Variants in NRXN1 observed in about 807,000 individuals in gnomAD.
NRXN1 encodes neurexin-1.
NRXN1 carries 39 observed loss-of-function variants against 150.9 expected under a neutral mutation model. That is an observed-to-expected ratio of 0.26 (90% confidence interval 0.20 to 0.34). The LOEUF (loss-of-function observed/expected upper bound fraction) is 0.34, where lower values mean the gene tolerates loss of function less well. Ranked by LOEUF, NRXN1 falls within the 10% of genes least tolerant of loss-of-function variation. The probability of loss-of-function intolerance (pLI) is 1.00; values close to 1 mark genes in which losing one functional copy is unlikely to be tolerated. For missense variants in NRXN1, 1,815 were observed against 1,949.9 expected, an observed-to-expected ratio of 0.93 and a Z score of 1.30; for synonymous variants, 924 against 757.0, an observed-to-expected ratio of 1.22 and a Z score of -3.62.
At chr2:50,019,641 C>CAAAAAAAAAAAAAA (rs764073226) in intron 21 of NRXN1, among the ~76,000 whole-genome samples, 4 of 25,554 alleles carry the variant, frequency 1.6e-4, no homozygotes, top group African/African-American at 2.0e-4. Context: ...GATTCCGTCT[C>CAAAAAAAAAAAAAA]AAAAAAAAAA....
chr2:50,280,460 T>C (rs2071278890), intron 17 of NRXN1, among the ~76,000 whole-genome samples: 1 of 152,106 alleles, frequency 6.6e-6, no homozygotes, highest in Non-Finnish European at 1.5e-5. Flanking sequence ...CCATGTGGCA[T>C]GGATCCTGAT....
intron 17 of NRXN1, among the ~76,000 whole-genome samples, chr2:50,246,395 G>A (rs530362115): frequency 1.1e-4 from 17 of 151,958 alleles, no homozygotes; most frequent in South Asian, 6.2e-4. Context: ...TATTTGCATC[G>A]CATAGTTAAA....
intron 21 of NRXN1, among the ~76,000 whole-genome samples, chr2:50,030,837 T>C (rs560409578): frequency 6.6e-6 from 1 of 152,132 alleles, no homozygotes; most frequent in Non-Finnish European, 1.5e-5. Flanking sequence ...TTGAGATCTT[T>C]TTAATATATA....
chr2:50,458,243 G>A (rs1373040627), intron 17 of NRXN1, among the ~76,000 whole-genome samples: 1 of 152,096 alleles, frequency 6.6e-6, no homozygotes, highest in Non-Finnish European at 1.5e-5. Context: ...ACCTCTTGGA[G>A]ACAGTGAATA....
At chr2:50,899,345 A>C (rs1682547919) in intron 5 of NRXN1, among the ~76,000 whole-genome samples, 1 of 152,188 alleles carries the variant, frequency 6.6e-6, no homozygotes, top group South Asian at 2.1e-4. Flanking sequence ...GGAACATTAA[A>C]TGCTTTGACA....
intron 5 of NRXN1, among the ~76,000 whole-genome samples, chr2:50,734,891 T>C (rs1444143605): frequency 1.3e-5 from 2 of 152,046 alleles, no homozygotes; most frequent in Non-Finnish European, 2.9e-5. Context: ...CTTCAACATA[T>C]CCAAATGTCA....
intron 18 of NRXN1, among the ~76,000 whole-genome samples, chr2:50,204,504 A>G (rs1574480895): frequency 6.6e-6 from 1 of 152,034 alleles, no homozygotes; most frequent in East Asian, 1.9e-4. Context: ...CAGACAAATT[A>G]TACCACTGAC....
At position 49,919,015 on chromosome 2, in the gene NRXN1, G is replaced by C. The variant is rs1177359591; in HGVS notation, c.*2929C>G. 1 of 152,014 alleles carries C rather than the reference G, an allele frequency of 6.6e-6. No homozygotes were observed. Among genetic ancestry groups the C allele is most frequent in the Non-Finnish European group, 1.5e-5 (1 of 67,964 alleles). The allele number at this position is 152,014 out of a possible 1,614,324, so 9.4% of individuals were successfully genotyped here. ...ACCCAATCACACAAAGCACTAGAAG[G>C]GTAGGGTTATGTGGCCTTTCTTTGA... On this transcript the variant is annotated 3_prime_UTR_variant, in exon 23 of 23. Transcript: ENST00000401669.
chr2:50,143,465 G>A (rs1197348857), intron 18 of NRXN1, among the ~76,000 whole-genome samples: 3 of 151,822 alleles, frequency 2.0e-5, no homozygotes, highest in Non-Finnish European at 4.4e-5. Context: ...TTTATTATGC[G>A]CTGATTTAAG....
intron 8 of NRXN1, among the ~76,000 whole-genome samples, chr2:50,566,561 T>A (rs1236569833): frequency 6.6e-6 from 1 of 151,984 alleles, no homozygotes; most frequent in African/African-American, 2.4e-5. Flanking sequence ...AGCCATCATG[T>A]TAATATGAAT....
At chr2:50,994,600 A>G (rs1458561517) in intron 2 of NRXN1, among the ~76,000 whole-genome samples, 2 of 152,004 alleles carry the variant, frequency 1.3e-5, no homozygotes, top group Non-Finnish European at 1.5e-5. Flanking sequence ...TTCCATAAGG[A>G]GAATTTCTAA....
chr2:50,780,155 A>G (rs1272392619), intron 5 of NRXN1, among the ~76,000 whole-genome samples: 1 of 152,174 alleles, frequency 6.6e-6, no homozygotes, highest in East Asian at 1.9e-4. Flanking sequence ...TGTTGGCCAT[A>G]TAAATGTCTT....
chr2:50,288,658 G>C (rs2072507560), intron 17 of NRXN1, among the ~76,000 whole-genome samples: 1 of 152,014 alleles, frequency 6.6e-6, no homozygotes, highest in Non-Finnish European at 1.5e-5. Flanking sequence ...GAACATGCAG[G>C]GAACTCCCAT....
At chr2:50,386,248 ATAAAGT>A (rs2081318157) in intron 17 of NRXN1, among the ~76,000 whole-genome samples, 1 of 152,280 alleles carries the variant, frequency 6.6e-6, no homozygotes, top group African/African-American at 2.4e-5. Context: ...TTTGACAGAG[ATAAAGT>A]TAAAAATTTC....
chr2:50,579,088 T>C (rs1288061492), intron 8 of NRXN1, among the ~76,000 whole-genome samples: 1 of 152,154 alleles, frequency 6.6e-6, no homozygotes, highest in Non-Finnish European at 1.5e-5. Flanking sequence ...TTTTCTTAAG[T>C]CATATGATCC....
At chr2:50,538,661 C>T (rs545775802) in intron 9 of NRXN1, 25 bp from the exon 10 acceptor site, 1 of 1,443,256 alleles carries the variant, frequency 6.9e-7, no homozygotes, top group Non-Finnish European at 9.1e-7. Context: ...GGAGAATGCA[C>T]AGGTCTTTAA....
chr2:50,054,856 G>C (rs566884469), intron 20 of NRXN1, 99 bp downstream of exon 20: 5 of 754,570 alleles, frequency 6.6e-6, no homozygotes, highest in Middle Eastern at 3.9e-4. Flanking sequence ...TTAGTTTTAC[G>C]GAAAATTTAT....
intron 21 of NRXN1, chr2:50,016,475 G>A (rs1686629509): frequency 2.0e-5 from 3 of 152,188 alleles, no homozygotes; most frequent in Admixed American, 1.3e-4. Flanking sequence ...AACTTATAAA[G>A]GAAAGAGGTT....
intron 2 of NRXN1, among the ~76,000 whole-genome samples, chr2:50,937,487 A>G (rs1688722664): frequency 2.6e-5 from 4 of 152,128 alleles, no homozygotes; most frequent in Admixed American, 2.6e-4. Context: ...TTGTATTCTC[A>G]CACCAGATGT....
Sources: allele counts gnomAD v4.1 joint callset (sites outside exome capture counted in the v4.1 genomes callset), GRCh38; gene constraint gnomAD v4.1.1; transcripts MANE v1.5; gene names NCBI Gene and HGNC (gene_info 2026-07-23, HGNC 2026-07-21).